ANO2: variants seen among roughly 807,000 people sequenced by gnomAD.
ANO2 encodes anoctamin 2, also known as anoctamin-2.
ANO2 carries 101 observed loss-of-function variants against 124.2 expected under a neutral mutation model. The ratio of observed to expected loss-of-function variants is 0.81; its 90% CI spans 0.69 to 0.96. ANO2 has a LOEUF of 0.96. Among genes scored for constraint, ANO2 ranks in the 40% least tolerant of loss-of-function variants. The pLI, the probability that ANO2 is intolerant of heterozygous loss-of-function variation, is 0.00. For synonymous variants in ANO2, 486 were observed against 482.5 expected (o/e 1.01, Z -0.09); for missense variants, 1,293 against 1,274.5 (o/e 1.01, Z -0.22).
intron 23 of ANO2, among the ~76,000 whole-genome samples, chr12:5,571,701 T>TTCTC (rs143490808): frequency 2.0e-5 from 3 of 150,624 alleles, no homozygotes; most frequent in African/African-American, 4.9e-5. Context: ...TCTCTCTTTC[T>TTCTC]TCTCTCTCTC....
In ANO2 at chr12:5,925,987, C is replaced by T. The variant is rs1026873486; in HGVS notation, c.23-3183G>A. On this transcript the variant is annotated intron_variant, in intron 1 of 24. Transcript: ENST00000682330. This position sits in a 1 kb window ranked among gnomAD's most constrained non-coding sequence, Gnocchi z 4.6. The stretch of plus-strand genomic sequence containing the variant: ...CCTGCAGGCACCAGGTCCACACATT[C>T]CCCTGCCTGCTCAGCATCTACACTT... 2.6e-5 allele frequency among the ~76,000 whole-genome samples: 4 copies of T among 152,088 alleles called. No homozygotes were observed. Among genetic ancestry groups the T allele is most frequent in the Admixed American group, 6.5e-5 (1 of 15,274 alleles).
intron 3 of ANO2, among the ~76,000 whole-genome samples, chr12:5,885,353 C>A (rs572868189): frequency 1.3e-5 from 2 of 152,346 alleles, no homozygotes; most frequent in South Asian, 4.1e-4. Flanking sequence ...AGATTCAGCC[C>A]AGGCTATGTC....
intron 3 of ANO2, among the ~76,000 whole-genome samples, chr12:5,897,042 G>A (rs1364014498): frequency 1.3e-5 from 2 of 152,004 alleles, no homozygotes; most frequent in Non-Finnish European, 2.9e-5. Context: ...AGATTTTTAG[G>A]GTCTTAAATC....
At chr12:5,885,499 C>A (rs1190560212) in intron 3 of ANO2, among the ~76,000 whole-genome samples, 1 of 152,214 alleles carries the variant, frequency 6.6e-6, no homozygotes, top group Admixed American at 6.5e-5. Context: ...CTAAGGGCTT[C>A]TAATGCACTA....
chr12:5,912,910 G>A (rs1035324633), intron 3 of ANO2, among the ~76,000 whole-genome samples: 18 of 152,184 alleles, frequency 1.2e-4, no homozygotes, highest in Non-Finnish European at 1.8e-4. Context: ...CAGTAGAGAC[G>A]AGGGCATCAT....
chr12:5,839,044 C>G (rs1230843359), intron 4 of ANO2, among the ~76,000 whole-genome samples: 1 of 152,218 alleles, frequency 6.6e-6, no homozygotes, highest in African/African-American at 2.4e-5. Context: ...AAACAAAATA[C>G]ATGAAATAAT....
At chr12:5,812,331 G>GGGA (rs1565687701) in intron 7 of ANO2, among the ~76,000 whole-genome samples, 1 of 138,428 alleles carries the variant, frequency 7.2e-6, no homozygotes, top group African/African-American at 2.8e-5. Flanking sequence ...GAGGGAGGGA[G>GGGA]GGAAGGAGGG....
At chr12:5,741,817 T>C (rs1239389023) in intron 12 of ANO2, among the ~76,000 whole-genome samples, 1 of 152,186 alleles carries the variant, frequency 6.6e-6, no homozygotes, top group African/African-American at 2.4e-5. Context: ...GATTAAGTAA[T>C]CTGCCCAAGG....
chr12:5,635,149 T>C lies in ANO2; in HGVS notation c.1816+3A>G. ...ACAGCCAGAAGTCTCGGTGACACAG[T>C]ACCAATTTTGGTGAGCCACTTGGCC... On this transcript the variant is annotated splice_donor_region_variant and intron_variant, in intron 16 of 24. Coordinates refer to ENST00000682330, the MANE Select transcript of ANO2 (RefSeq NM_001364791.2). The surrounding 1 kb of genome is among the most constrained non-coding windows in gnomAD (Gnocchi z 5.2). 6.4e-7 allele frequency: 1 copy of C among 1,573,082 alleles called. No homozygotes were observed. The highest frequency in any genetic ancestry group is 8.6e-7 in the Non-Finnish European group (1 of 1,163,618).
At chr12:5,628,155 C>A (rs889090624) in intron 16 of ANO2, among the ~76,000 whole-genome samples, 1 of 152,112 alleles carries the variant, frequency 6.6e-6, no homozygotes, top group Non-Finnish European at 1.5e-5. Context: ...AAAAAAAATT[C>A]TTTCTTTGTT....
chr12:5,702,585 A>G (rs1003771348), intron 14 of ANO2, among the ~76,000 whole-genome samples: 2 of 152,086 alleles, frequency 1.3e-5, no homozygotes, highest in Admixed American at 6.5e-5. Context: ...AAAAAAAAAA[A>G]AGACCATCAT....
At position 5,936,016 on chromosome 12, in the gene ANO2, T is replaced by C. The variant is rs148079845; in HGVS notation, c.22+9180A>G. Among the ~76,000 whole-genome samples, 28 of 152,350 alleles carry C rather than the reference T, an allele frequency of 1.8e-4. No homozygotes were observed. In the East Asian group the frequency reaches 4.4e-3, roughly 24 times the overall value. ...TAATGTTGAACATCTTTTTACGTGC[T>C]TACTAGCAATTTGCATATCTTCTTT... On this transcript the variant is annotated intron_variant, in intron 1 of 24. Coordinates refer to ENST00000682330, the MANE Select transcript of ANO2 (RefSeq NM_001364791.2).
rs547850117 is a variant in ANO2, at chr12:5,898,770, T to C, written c.534+22270A>G. ...GACTGGAAGGAGGCCCAAGGGGGACTTCCAGAAAGCTGGAAATGTTCTATT... is the reference window on the plus strand; with the variant it reads ...GACTGGAAGGAGGCCCAAGGGGGACCTCCAGAAAGCTGGAAATGTTCTATT... On this transcript the variant is annotated intron_variant, in intron 3 of 24. Coordinates refer to ENST00000682330, the MANE Select transcript of ANO2 (RefSeq NM_001364791.2). Among the ~76,000 whole-genome samples, 258 of 152,362 alleles carry C rather than the reference T, an allele frequency of 1.7e-3. 1 individual carries two copies. The highest frequency in any genetic ancestry group is 6.0e-3 in the African/African-American group (250 of 41,590).
At position 5,832,576 on chromosome 12, in the gene ANO2, T is replaced by G. The variant is rs778386081; in HGVS notation, c.661A>C (p.Ile221Leu). The change falls in exon 5 of 25, where the codon ATT becomes CTT. Residue 221 changes from isoleucine to leucine, a missense_variant. Transcript: ENST00000682330. ...KMYEIKAGGSIAKKFSAALQK... is the reference protein window; with the variant it reads ...KMYEIKAGGSLAKKFSAALQK... ...AGAGCCGCGCTGAACTTCTTTGCAA[T>G]GCTGCCTCCTGCTTTGATCTCGTAC... 1.2e-6 allele frequency: 2 copies of G among 1,613,722 alleles called. No individual in the cohort carries two copies. Among genetic ancestry groups the G allele is most frequent in the African/African-American group, 2.7e-5 (2 of 75,022 alleles).
chr12:5,855,357 CA>C (rs1181365689), intron 3 of ANO2, among the ~76,000 whole-genome samples: 4 of 152,132 alleles, frequency 2.6e-5, no homozygotes, highest in Non-Finnish European at 5.9e-5. Context: ...AAATGATGAA[CA>C]AAATAAAAAG....
At chr12:5,883,101 T>C (rs1239922142) in intron 3 of ANO2, among the ~76,000 whole-genome samples, 1 of 151,408 alleles carries the variant, frequency 6.6e-6, no homozygotes, top group East Asian at 2.0e-4. Flanking sequence ...CCCAGCACCA[T>C]TAACACACAC....
chr12:5,785,656 T>TACACACAC (rs71445677), intron 10 of ANO2, among the ~76,000 whole-genome samples: 3,208 of 149,678 alleles, frequency 0.021, 127 homozygotes, highest in African/African-American at 0.073. Flanking sequence ...AGTCCTCTTG[T>TACACACAC]ACACACACAC....
intron 10 of ANO2, 66 bp downstream of exon 10, chr12:5,799,440 GT>G (rs774498471): frequency 5.1e-6 from 7 of 1,380,746 alleles, no homozygotes; most frequent in Non-Finnish European, 6.1e-6. Context: ...GAGTCAAAAG[GT>G]TTATGATACA....
At chr12:5,883,573 C>T (rs763364578) in intron 3 of ANO2, among the ~76,000 whole-genome samples, 14 of 150,162 alleles carry the variant, frequency 9.3e-5, no homozygotes, top group Non-Finnish European at 1.6e-4. Context: ...GGTCTCTGGA[C>T]GTTCTGCATG....
Sources: allele counts gnomAD v4.1 joint callset (sites outside exome capture counted in the v4.1 genomes callset), GRCh38; gene constraint gnomAD v4.1.1; non-coding constraint Gnocchi (gnomAD v3.1); transcripts MANE v1.5; gene names NCBI Gene and HGNC (gene_info 2026-07-23, HGNC 2026-07-21).